The following PSEN2 variants were observed in gnomAD, a reference collection of about 807,000 sequenced individuals.
The protein encoded by PSEN2 is presenilin-2.
Under a neutral mutation model 49.1 loss-of-function variants are expected in PSEN2, and 32 were observed. That is an observed-to-expected ratio of 0.65 (90% confidence interval 0.49 to 0.88). PSEN2 has a LOEUF of 0.88. PSEN2 is among the 40% of genes least tolerant of loss of function. The probability of loss-of-function intolerance (pLI) is 0.00; values close to 1 mark genes in which losing one functional copy is unlikely to be tolerated. For missense variants in PSEN2, 522 were observed against 586.9 expected (o/e 0.89, Z 1.14); for synonymous variants, 255 against 244.0 (o/e 1.05, Z -0.42).
At chr1:226,900,765 T>C (rs904085697), downstream of PSEN2, among the ~76,000 whole-genome samples, 1 of 152,070 alleles carries the variant, frequency 6.6e-6, no homozygotes, top group Non-Finnish European at 1.5e-5. Context: ...TAAGCAGAAG[T>C]GCTGTGTTGC....
At chr1:226,883,975 T>TGGGGGGGGGGGGGGCCCGGGGGG in intron 5 of PSEN2, 56 bp downstream of exon 5, 2 of 129,696 alleles carry the variant, frequency 1.5e-5, no homozygotes, top group Non-Finnish European at 2.9e-5. Context: ...TGCCAGGGGG[T>TGGGGGGGGGGGGGGCCCGGGGGG]GGGGGGCGCA....
Position 226,872,194 on chromosome 1 carries a change from C to CGGTG in PSEN2, c.-207+791_-207+792insGTGG, listed in dbSNP as rs369737284. On this transcript the variant is annotated intron_variant, in intron 2 of 12. Transcript: ENST00000366783. ...CATAATGTCACACCTGTCTCCCCTC[C>CGGTG]GTAGCTGCTCACCGTCCCCCCAAGG... Among the ~76,000 whole-genome samples the CGGTG allele has an allele frequency of 2.3e-3, 343 of 152,322 alleles. 1 individual carries two copies. The highest frequency in any genetic ancestry group is 7.8e-3 in the African/African-American group (323 of 41,574).
chr1:226,871,794 G>T (rs1017769303), intron 2 of PSEN2, among the ~76,000 whole-genome samples: 2 of 152,250 alleles, frequency 1.3e-5, no homozygotes, highest in Non-Finnish European at 1.5e-5. Flanking sequence ...AGCTGCTTCA[G>T]GTGTGTGAGC....
At chr1:226,872,551 G>T (rs1660370446) in intron 2 of PSEN2, among the ~76,000 whole-genome samples, 2 of 152,136 alleles carry the variant, frequency 1.3e-5, no homozygotes, top group South Asian at 2.1e-4. Flanking sequence ...CTCCACTACT[G>T]CTGGGAAAGT....
At chr1:226,891,502 C>A in intron 10 of PSEN2, 141 bp downstream of exon 10, 1 of 799,344 alleles carries the variant, frequency 1.3e-6, no homozygotes, top group Non-Finnish European at 2.0e-6. Flanking sequence ...ACCAGCCGGA[C>A]ACATGCGGCT....
downstream of PSEN2, chr1:226,898,496 T>A (rs6676067): frequency 0.18 from 27,725 of 152,166 alleles, 2,893 homozygotes; most frequent in South Asian, 0.27. Context: ...TCCCCAACTC[T>A]ATAATACTTG....
At chr1:226,888,014 C>A in intron 6 of PSEN2, 77 bp from the exon 7 acceptor site, 1 of 1,191,688 alleles carries the variant, frequency 8.4e-7, no homozygotes, top group Non-Finnish European at 1.3e-6. Context: ...GCTTGGGTAT[C>A]AGTCTCAGGA....
intron 3 of PSEN2, 121 bp downstream of exon 3, chr1:226,875,671 C>T (rs569328988): frequency 6.0e-4 from 92 of 152,280 alleles, no homozygotes; most frequent in African/African-American, 2.1e-3. Flanking sequence ...TTACCTAGTT[C>T]CATTGGCCTT....
At chr1:226,874,123 A>G (rs1208831437) in intron 2 of PSEN2, among the ~76,000 whole-genome samples, 5 of 152,164 alleles carry the variant, frequency 3.3e-5, no homozygotes, top group Non-Finnish European at 7.3e-5. Flanking sequence ...TGAGTGAGTG[A>G]TTAGGGAGCA....
At chr1:226,884,386 C>T (rs1661210033) in intron 5 of PSEN2, among the ~76,000 whole-genome samples, 1 of 152,208 alleles carries the variant, frequency 6.6e-6, no homozygotes, top group Admixed American at 6.5e-5. Context: ...TATTTCTCAG[C>T]TCACTTCCAG....
chr1:226,874,901 G>A (rs76397544), intron 2 of PSEN2, among the ~76,000 whole-genome samples: 11,690 of 152,210 alleles, frequency 0.077, 648 homozygotes, highest in Non-Finnish European at 0.11. Context: ...ACTTGCTGCT[G>A]CTTGTTTAAA....
chr1:226,902,434 G>A (rs893708647), intron 12 of PSEN2, among the ~76,000 whole-genome samples: 2 of 152,094 alleles, frequency 1.3e-5, no homozygotes, highest in African/African-American at 4.8e-5. Flanking sequence ...TCTGGGAATG[G>A]GGAGGATGGA....
chr1:226,892,463 A>AGT (rs1661825701), intron 11 of PSEN2, among the ~76,000 whole-genome samples: 1 of 152,160 alleles, frequency 6.6e-6, no homozygotes, highest in Admixed American at 6.5e-5. Context: ...GTGCCTGCCT[A>AGT]ACACCCAATG....
At chr1:226,894,820 C>T (rs1477625076) in intron 12 of PSEN2, among the ~76,000 whole-genome samples, 2 of 152,190 alleles carry the variant, frequency 1.3e-5, no homozygotes, top group Admixed American at 1.3e-4. Flanking sequence ...TTTCTTTTTG[C>T]CCACAAGTAT....
chr1:226,887,444 G>A (rs948332588), intron 6 of PSEN2, among the ~76,000 whole-genome samples: 5 of 152,124 alleles, frequency 3.3e-5, no homozygotes, highest in Non-Finnish European at 7.4e-5. Context: ...CTGTCCCGCC[G>A]ATGGCCAGCT....
intron 4 of PSEN2, 94 bp downstream of exon 4, chr1:226,882,142 A>G (rs773567613): frequency 4.1e-5 from 61 of 1,502,102 alleles, no homozygotes; most frequent in Non-Finnish European, 5.1e-5. Flanking sequence ...CTGATGCGGG[A>G]GGGAGAAGGG....
Position 226,895,570 on chromosome 1 carries a change from C to G in PSEN2, c.1338C>G (p.Leu446=), listed in dbSNP as rs758582618. 2.5e-6 allele frequency: 4 copies of G among 1,612,108 alleles called. No homozygotes were observed. The South Asian group carries it at 4.4e-5, about 18-fold the overall frequency. ...PFMDTLASHQ[L]YI ...TGGACACCCTGGCCTCCCATCAGCT[C>G]TACATCTGAGGGACATGGTGTGCCA... is the stretch of plus-strand genomic sequence containing the variant. Residue 446 remains leucine (L), a synonymous_variant, in exon 13 of 13, where the codon CTC becomes CTG. Transcript: ENST00000366783.
chr1:226,884,500 C>G (rs1019572159), intron 5 of PSEN2: 1 of 152,682 alleles, frequency 6.5e-6, no homozygotes, highest in Non-Finnish European at 1.5e-5. Flanking sequence ...TTCCCCCTCC[C>G]CTTTCTGTGG....
downstream of PSEN2, chr1:226,897,529 G>GATGCTACT (rs1662192148): frequency 6.4e-6 from 1 of 155,050 alleles, no homozygotes; most frequent in South Asian, 2.0e-4. Flanking sequence ...CACTGGAGGA[G>GATGCTACT]ATGCTACTTG....
Sources: gnomAD v4.1 joint callset for allele counts (sites outside exome capture counted in the v4.1 genomes callset) on GRCh38, gnomAD v4.1.1 for gene constraint, MANE v1.5 for transcripts, NCBI Gene and HGNC (gene_info 2026-07-23, HGNC 2026-07-21) for gene names.